SNX13: variants seen among roughly 807,000 people sequenced by gnomAD.
SNX13 encodes the protein sorting nexin-13.
SNX13 carries 45 observed loss-of-function variants against 133.6 expected under a neutral mutation model. The observed-to-expected ratio is 0.34, with a 90% CI of 0.27 to 0.43. The LOEUF is 0.43. Ranked by LOEUF, SNX13 falls within the 20% of genes least tolerant of loss-of-function variation. SNX13 has a pLI of 1.00. For missense variants in SNX13, 1,032 were observed against 1,145.1 expected (o/e 0.90, Z 1.43); for synonymous variants, 414 against 373.9 (o/e 1.11, Z -1.24).
intron 1 of SNX13, among the ~76,000 whole-genome samples, chr7:17,912,140 C>T (rs1223453467): frequency 6.6e-6 from 1 of 152,174 alleles, no homozygotes; most frequent in Non-Finnish European, 1.5e-5. Flanking sequence ...GCAAAGAACA[C>T]CCCAGAACCC....
chr7:17,910,131 T>C (rs1407009794), intron 1 of SNX13, among the ~76,000 whole-genome samples: 1 of 152,222 alleles, frequency 6.6e-6, no homozygotes, highest in African/African-American at 2.4e-5. Context: ...CAAGACTATT[T>C]CAGTGTTGCT....
intron 17 of SNX13, among the ~76,000 whole-genome samples, chr7:17,823,077 C>T (rs1341938621): frequency 6.6e-6 from 1 of 152,190 alleles, no homozygotes; most frequent in African/African-American, 2.4e-5. Context: ...CTTGGCCCAT[C>T]CTGCCTCTTC....
At chr7:17,901,493 T>C in intron 1 of SNX13, among the ~76,000 whole-genome samples, 1 of 152,146 alleles carries the variant, frequency 6.6e-6, no homozygotes. Flanking sequence ...ACCACTGGGA[T>C]GGGCAATTCC....
chr7:17,805,250 T>TGTGTGC lies in SNX13; in HGVS notation c.2065-1671_2065-1670insGCACAC. 6.7e-3 allele frequency among the ~76,000 whole-genome samples: 636 copies of TGTGTGC among 95,558 alleles called. 7 individuals carry two copies. Among genetic ancestry groups the TGTGTGC allele is most frequent in the African/African-American group, 0.012 (372 of 31,854 alleles). 62.7% of individuals were successfully genotyped at this position (95,558 alleles called of 152,430 possible). On this transcript the variant is annotated intron_variant, in intron 20 of 25. Coordinates refer to ENST00000428135, the MANE Select transcript of SNX13 (RefSeq NM_015132.5). ...GTGTGTGTGTGTGTGTGTGTGTGTG[T>TGTGTGC]GCGTGCGCGCGCGCGCATGCATGCA...
intron 1 of SNX13, among the ~76,000 whole-genome samples, chr7:17,913,864 A>C (rs752336046): frequency 3.9e-5 from 6 of 152,086 alleles, no homozygotes; most frequent in Non-Finnish European, 8.8e-5. Flanking sequence ...TGTCACATCC[A>C]AAGGATCACA....
At chr7:17,807,258 C>G (rs558845767) in intron 20 of SNX13, among the ~76,000 whole-genome samples, 1 of 152,124 alleles carries the variant, frequency 6.6e-6, no homozygotes, top group East Asian at 1.9e-4. Flanking sequence ...CTGGGACACT[C>G]GAGCTTGGTG....
At chr7:17,854,056 C>T (rs769612968) in intron 9 of SNX13, among the ~76,000 whole-genome samples, 4 of 151,862 alleles carry the variant, frequency 2.6e-5, no homozygotes, top group Admixed American at 1.3e-4. Context: ...GAAATTTGTA[C>T]CTACAAAAAA....
intron 1 of SNX13, among the ~76,000 whole-genome samples, chr7:17,903,259 G>A (rs1419849858): frequency 1.3e-5 from 2 of 152,122 alleles, no homozygotes; most frequent in East Asian, 3.8e-4. Flanking sequence ...GTCTGGGATA[G>A]GGCCTATAGT....
At chr7:17,934,382 A>G (rs1051843999) in intron 1 of SNX13, among the ~76,000 whole-genome samples, 1 of 152,232 alleles carries the variant, frequency 6.6e-6, no homozygotes, top group Non-Finnish European at 1.5e-5. Context: ...ATAATTTTAG[A>G]TGTCAACTTG....
chr7:17,794,379 GC>G, intron 25 of SNX13, 87 bp from the exon 26 acceptor site: 1 of 1,462,590 alleles, frequency 6.8e-7, no homozygotes, highest in South Asian at 1.4e-5. Flanking sequence ...AAGGTACACA[GC>G]AGAGTAACTG....
rs1786657804 is a variant in SNX13 at position 17,816,325 on chromosome 7, A to G, written c.1846-36T>C. On this transcript the variant is annotated intron_variant, in intron 18 of 25. Coordinates refer to ENST00000428135, the MANE Select transcript of SNX13 (RefSeq NM_015132.5). ...AAATACATTCAATAGCACTTTTTATAAAGACAAAAGGTTTTCCCAAGTGAT... is the reference window on the plus strand; with the variant it reads ...AAATACATTCAATAGCACTTTTTATGAAGACAAAAGGTTTTCCCAAGTGAT... 11 of 1,513,402 alleles carry G rather than the reference A, an allele frequency of 7.3e-6. No individual in the cohort carries two copies. In the East Asian group the frequency reaches 2.7e-4, roughly 38 times the overall value. 93.7% of individuals were successfully genotyped at this position (1,513,402 alleles called of 1,614,324 possible).
intron 1 of SNX13, among the ~76,000 whole-genome samples, chr7:17,926,262 G>C (rs945853049): frequency 6.6e-6 from 1 of 152,006 alleles, no homozygotes; most frequent in Non-Finnish European, 1.5e-5. Context: ...ATGTTTGAAA[G>C]TGTGCTATAT....
At chr7:17,865,911 T>A (rs1166187315) in intron 9 of SNX13, among the ~76,000 whole-genome samples, 1 of 152,172 alleles carries the variant, frequency 6.6e-6, no homozygotes, top group African/African-American at 2.4e-5. Context: ...CTTTAATAAA[T>A]GGTGCCAAGA....
At chr7:17,828,348 TTTAAG>T (rs1304101740) in intron 16 of SNX13, among the ~76,000 whole-genome samples, 2 of 151,764 alleles carry the variant, frequency 1.3e-5, no homozygotes, top group Non-Finnish European at 3.0e-5. Flanking sequence ...CAAAGTACTC[TTTAAG>T]TTATGATTCT....
intron 1 of SNX13, among the ~76,000 whole-genome samples, chr7:17,933,743 G>A (rs1207773375): frequency 6.7e-6 from 1 of 148,508 alleles, no homozygotes; most frequent in Non-Finnish European, 1.5e-5. Context: ...AGAAAATAGT[G>A]AGCAATAAAA....
At chr7:17,838,963 A>G (rs1009863981) in intron 13 of SNX13, among the ~76,000 whole-genome samples, 3 of 150,590 alleles carry the variant, frequency 2.0e-5, no homozygotes, top group Non-Finnish European at 3.0e-5. Flanking sequence ...TTACAGTATT[A>G]CATTACCTAT....
chr7:17,895,810 G>T (rs1376287985), intron 2 of SNX13, among the ~76,000 whole-genome samples: 4 of 152,046 alleles, frequency 2.6e-5, no homozygotes, highest in Admixed American at 2.6e-4. Context: ...AAATTTATTT[G>T]GAGCAGTTGA....
At chr7:17,855,098 A>T (rs1185049650) in intron 9 of SNX13, among the ~76,000 whole-genome samples, 4 of 152,262 alleles carry the variant, frequency 2.6e-5, no homozygotes, top group Non-Finnish European at 5.9e-5. Flanking sequence ...GGTAAAGGAC[A>T]GAAAATCACA....
intron 1 of SNX13, among the ~76,000 whole-genome samples, chr7:17,911,637 C>CAAA (rs77578497): frequency 8.4e-6 from 1 of 118,712 alleles, no homozygotes; most frequent in Admixed American, 8.5e-5. Context: ...GACTCTGTCT[C>CAAA]AAAAAAAAAA....
Sources: allele counts gnomAD v4.1 joint callset (sites outside exome capture counted in the v4.1 genomes callset), GRCh38; gene constraint gnomAD v4.1.1; transcripts MANE v1.5; gene names NCBI Gene and HGNC (gene_info 2026-07-23, HGNC 2026-07-21).